The following MLLT6 variants were observed in gnomAD, a reference collection of about 807,000 sequenced individuals.
MLLT6 encodes the protein protein AF-17.
A neutral mutation model predicts 103.0 loss-of-function variants in MLLT6; 22 were observed. The observed-to-expected ratio is 0.21, with a 90% confidence interval of 0.15 to 0.31. MLLT6 has a LOEUF of 0.31. MLLT6 is among the 10% of genes least tolerant of loss of function. The pLI, the probability that MLLT6 is intolerant of heterozygous loss-of-function variation, is 1.00. For missense variants in MLLT6, 1,199 were observed against 1,441.7 expected (o/e 0.83, Z 2.73); for synonymous variants, 606 against 623.5 (o/e 0.97, Z 0.42).
intron 14 of MLLT6, 62 bp from the exon 15 acceptor site, chr17:38,720,310 C>CCGG: frequency 6.0e-6 from 4 of 668,640 alleles, no homozygotes; most frequent in East Asian, 2.9e-5. Context: ...GCCCCGCCCC[C>CCGG]GGTCCCCTGG....
rs1315011528 is a variant in MLLT6, at chr17:38,717,936, C to G, written c.1925C>G (p.Ala642Gly). 6.2e-7 allele frequency: 1 copy of G among 1,610,412 alleles called. No homozygotes were observed. The change falls in exon 12 of 20, where the codon GCT (alanine) becomes GGT (glycine). Residue 642 changes from alanine to glycine, a missense_variant. By Grantham distance (60) the Ala-to-Gly change is moderately conservative (BLOSUM62 0). This residue lies in a region of MLLT6 where 1,034 missense variants were observed against 1,091.5 expected (regional missense o/e 0.95). Transcript: ENST00000621332. ...GCCGTTAATCCCCTCCTCTCCCAAG[C>G]TGAGAGCAGCCACACAGGTATGTGA... is the stretch of plus-strand genomic sequence containing the variant. ...MGAVNPLLSQ[A>G]ESSHTEPDLE... is the part of the protein sequence containing the mutation.
At position 38,717,537 on chromosome 17, in the gene MLLT6, C is replaced by T. The variant is rs1353153900; in HGVS notation, c.1757C>T (p.Ser586Leu). Residue 586 changes from serine to leucine, a missense_variant, in exon 11 of 20, where the codon TCG (serine) becomes TTG (leucine). By Grantham distance (145) the Ser-to-Leu change is moderately radical. Coordinates refer to ENST00000621332, the MANE Select transcript of MLLT6 (RefSeq NM_005937.4). ...AGCCTCCTGGGGCCCCCAGGGACCTCGGCCCTGCCCCGCCTCAGCCGCTCC... is the reference window on the plus strand; with the variant it reads ...AGCCTCCTGGGGCCCCCAGGGACCTTGGCCCTGCCCCGCCTCAGCCGCTCC... ...SSSLLGPPGT[S>L]ALPRLSRSPF... is the part of the protein sequence containing the mutation. The T allele has an allele frequency of 3.7e-6, 6 of 1,613,274 alleles. 1 individual carries two copies. The highest frequency in any genetic ancestry group is 4.2e-6 in the Non-Finnish European group (5 of 1,179,838).
intron 15 of MLLT6, 40 bp from the exon 16 acceptor site, chr17:38,720,619 G>T: frequency 6.2e-7 from 1 of 1,613,156 alleles, no homozygotes; most frequent in Non-Finnish European, 8.5e-7. Context: ...CCTGAAGTCC[G>T]GACTGGCCCT....
At chr17:38,713,099 CTCCAAGT>C (rs758794148) in intron 8 of MLLT6, 1 of 740,852 alleles carries the variant, frequency 1.3e-6, no homozygotes, top group South Asian at 1.4e-5. Context: ...CAGGCCTGCT[CTCCAAGT>C]TCTAGGGCCC....
chr17:38,706,978 G>A lies in MLLT6; in HGVS notation c.138G>A (p.Thr46=), dbSNP rs1904956146. Residue 46 remains threonine, a synonymous_variant, in exon 2 of 20, where the codon ACG becomes ACA. Transcript: ENST00000621332. ...QACYGIVQVP[T]GPWFCRKCES... ...GCTATGGCATCGTTCAGGTGCCAAC[G>A]GGACCCTGGTTCTGCCGGAAATGTG... 1.9e-6 allele frequency: 3 copies of A among 1,612,136 alleles called. No homozygotes were observed. The highest frequency in any genetic ancestry group is 2.2e-5 in the East Asian group (1 of 44,834).
chr17:38,715,919 A>G (rs1220743941), intron 9 of MLLT6, 91 bp downstream of exon 9: 15 of 1,145,300 alleles, frequency 1.3e-5, no homozygotes, highest in Middle Eastern at 2.0e-4. Context: ...TTGGTTTTGC[A>G]TCTCATTTAC....
chr17:38,720,768 G>A (rs1176799713), intron 16 of MLLT6, 21 bp downstream of exon 16: 1 of 1,608,584 alleles, frequency 6.2e-7, no homozygotes, highest in African/African-American at 1.3e-5. Flanking sequence ...CGAGGAGTGG[G>A]GCAGGAAGGA....
At chr17:38,721,413 G>A (rs1335875376) in intron 16 of MLLT6, among the ~76,000 whole-genome samples, 3 of 152,286 alleles carry the variant, frequency 2.0e-5, no homozygotes, top group East Asian at 1.9e-4. Context: ...CCCAGCTTAC[G>A]AGTGAGTAAA....
chr17:38,714,723 A>C (rs1316358121), intron 8 of MLLT6: 2 of 152,496 alleles, frequency 1.3e-5, no homozygotes, highest in Non-Finnish European at 2.9e-5. Context: ...AGCCTGTGCA[A>C]CAAGAGTGAA....
chr17:38,720,696 T>A lies in MLLT6; in HGVS notation c.2391T>A (p.Pro797=). The change falls in exon 16 of 20, where the codon CCT becomes CCA. Residue 797 remains proline (P), a synonymous_variant. Transcript: ENST00000621332. ...ACTCCTTGAGCACCAGCAAGAGCCC[T>A]CCGGGAAAGAGCAGCCTCGGCCTGG... ...SSDSLSTSKS[P]PGKSSLGLDN... 1.9e-6 allele frequency: 3 copies of A among 1,613,798 alleles called. No homozygotes were observed. In the East Asian group the frequency reaches 6.7e-5, roughly 36 times the overall value.
In MLLT6 at chr17:38,716,953, G is replaced by A. The variant is rs1284372753; in HGVS notation, c.1623G>A (p.Leu541=). The stretch of plus-strand genomic sequence containing the variant: ...GGCCTTCTGGGAGCTTGCCCAGCTT[G>A]AGCCTGGAGTCCCCCTTACTAGGGG... ...TFGPSGSLPS[L]SLESPLLGAG... The change falls in exon 10 of 20, where the codon TTG becomes TTA. Residue 541 remains leucine, a synonymous_variant. Transcript: ENST00000621332. This position sits in a 1 kb window ranked among gnomAD's most constrained non-coding sequence, Gnocchi z 5.6. 3 of 1,613,598 alleles carry A rather than the reference G, an allele frequency of 1.9e-6. No homozygotes were observed. In the African/African-American group the frequency reaches 4.0e-5, roughly 22 times the overall value.
rs760350371 is a variant in MLLT6 at position 38,712,744 on chromosome 17, G to C, written c.774G>C (p.Ser258=). ...LKQKHKKRPE[S]PPSILTPPVV... Reference sequence around the variant, plus strand: ...AGAAGCACAAGAAGCGGCCTGAGTCGCCCCCCAGCATCCTCACCCCGCCCG... The same window carrying C: ...AGAAGCACAAGAAGCGGCCTGAGTCCCCCCCCAGCATCCTCACCCCGCCCG... The change falls in exon 8 of 20, where the codon TCG becomes TCC. Residue 258 remains serine, a synonymous_variant. Transcript: ENST00000621332. 13 of 1,613,766 alleles carry C rather than the reference G, an allele frequency of 8.1e-6. No homozygotes were observed. Among genetic ancestry groups the C allele is most frequent in the Non-Finnish European group, 1.1e-5 (13 of 1,179,796 alleles).
chr17:38,709,452 C>T lies in MLLT6; in HGVS notation c.459-30C>T. On this transcript the variant is annotated intron_variant, in intron 5 of 19. Transcript: ENST00000621332. The surrounding 1 kb of genome is among the most constrained non-coding windows in gnomAD (Gnocchi z 4.3). ...AGGTGGCTCATGTGATCTGTGGCCT[C>T]AGCCGTCTCAGGCTGCCTTCTCTGG... The T allele has an allele frequency of 6.3e-7, 1 of 1,591,518 alleles. No individual in the cohort carries two copies. The highest frequency in any genetic ancestry group is 8.6e-7 in the Non-Finnish European group (1 of 1,159,346).
chr17:38,712,220 T>C, intron 7 of MLLT6: 1 of 579,652 alleles, frequency 1.7e-6, no homozygotes, highest in Non-Finnish European at 2.2e-6. Context: ...GTGTTAGTGG[T>C]TCCTCTGGGT....
chr17:38,724,838 C>T lies in MLLT6; in HGVS notation c.3102C>T (p.Asn1034=). 6.3e-7 allele frequency: 1 copy of T among 1,590,322 alleles called. No individual in the cohort carries two copies. Among genetic ancestry groups the T allele is most frequent in the South Asian group, 1.1e-5 (1 of 88,092 alleles). ...CCCTAGTGGCTCCCTCGCTTGGCAA[C>T]AACACAAGTCTCATGGCCGCAGCAG... is the stretch of plus-strand genomic sequence containing the variant. ...AGALVAPSLG[N]NTSLMAAAAA... Residue 1034 remains asparagine, a synonymous_variant, in exon 19 of 20, where the codon AAC becomes AAT. Coordinates refer to ENST00000621332, the MANE Select transcript of MLLT6 (RefSeq NM_005937.4). The surrounding 1 kb of genome is among the most constrained non-coding windows in gnomAD (Gnocchi z 5.4).
rs763797889 is a variant in MLLT6, at chr17:38,717,930, C to T, written c.1919C>T (p.Ser640Phe). ...ATGGGTGCCGTTAATCCCCTCCTCT[C>T]CCAAGCTGAGAGCAGCCACACAGGT... ...TPMGAVNPLLSQAESSHTEPD... is the reference protein window; with the variant it reads ...TPMGAVNPLLFQAESSHTEPD... Residue 640 changes from serine (S) to phenylalanine (F), a missense_variant, in exon 12 of 20, where the codon TCC becomes TTC. Physicochemically the swap from Ser to Phe is radical, Grantham distance 155 (BLOSUM62 -2). Transcript: ENST00000621332. The T allele has an allele frequency of 1.2e-5, 20 of 1,612,968 alleles. No homozygotes were observed. The highest frequency in any genetic ancestry group is 1.7e-5 in the Admixed American group (1 of 60,004).
intron 19 of MLLT6, 44 bp from the exon 20 acceptor site, chr17:38,725,513 C>T: frequency 6.3e-7 from 1 of 1,584,072 alleles, no homozygotes; most frequent in East Asian, 2.3e-5. Flanking sequence ...GGGGTTAGGA[C>T]CTGACACTTT....
chr17:38,715,358 C>T (rs1905288295), intron 8 of MLLT6: 2 of 475,572 alleles, frequency 4.2e-6, no homozygotes, highest in Non-Finnish European at 7.3e-6. Flanking sequence ...ATCTTCCCTG[C>T]CTAAGGTGAA....
At chr17:38,722,634 T>TGGGGGGGGGGGTGGG in intron 17 of MLLT6, 44 bp from the exon 18 acceptor site, 1 of 532,162 alleles carries the variant, frequency 1.9e-6, no homozygotes, top group Non-Finnish European at 3.6e-6. Flanking sequence ...CCCTCCCCCA[T>TGGGGGGGGGGGTGGG]GGTCTGTGTG....
Sources: gnomAD v4.1 joint callset for allele counts (sites outside exome capture counted in the v4.1 genomes callset) on GRCh38, gnomAD v4.1.1 for gene constraint, gnomAD v4.1.1 regional missense constraint, Gnocchi (gnomAD v3.1) non-coding constraint, MANE v1.5 for transcripts, NCBI Gene and HGNC (gene_info 2026-07-23, HGNC 2026-07-21) for gene names.